The following BRDT variants were observed in gnomAD, a reference collection of about 807,000 sequenced individuals.
The protein encoded by BRDT is bromodomain testis associated.
A neutral mutation model predicts 113.9 loss-of-function variants in BRDT; 77 were observed. That is an observed-to-expected ratio of 0.68 (90% CI 0.56 to 0.82). The LOEUF (loss-of-function observed/expected upper bound fraction) is 0.82, where lower values mean the gene tolerates loss of function less well. BRDT is among the 40% of genes least tolerant of loss of function. The pLI is 0.00. For missense variants in BRDT, 1,027 were observed against 1,105.4 expected (o/e 0.93, Z 1.01); for synonymous variants, 358 against 366.5 (o/e 0.98, Z 0.26).
chr1:91,987,824 A>G (rs1685396252), intron 12 of BRDT, among the ~76,000 whole-genome samples: 1 of 151,984 alleles, frequency 6.6e-6, no homozygotes, highest in African/African-American at 2.4e-5. Flanking sequence ...CTATGATTGC[A>G]GATCTTTTTT....
In BRDT at chr1:91,977,280, A is replaced by C; in HGVS notation, c.856A>C (p.Lys286Gln). The change falls in exon 6 of 19, where the codon AAG becomes CAG. Residue 286 changes from lysine to glutamine, a missense_variant. Lys to Gln is a moderately conservative substitution (Grantham distance 53). Coordinates refer to ENST00000399546, the MANE Select transcript of BRDT (RefSeq NM_207189.4). Reference protein sequence around the residue: ...CSEILKEMLAKKHFSYAWPFY... With the variant: ...CSEILKEMLAQKHFSYAWPFY... ...TGAGATTCTTAAAGAAATGCTTGCAAAGAAACATTTTTCATATGCATGGCC... is the reference window on the plus strand; with the variant it reads ...TGAGATTCTTAAAGAAATGCTTGCACAGAAACATTTTTCATATGCATGGCC... 1 of 1,614,108 alleles carries C rather than the reference A, an allele frequency of 6.2e-7. No homozygotes were observed. Among genetic ancestry groups the C allele is most frequent in the Non-Finnish European group, 8.5e-7 (1 of 1,179,982 alleles).
At chr1:91,978,125 G>T in intron 6 of BRDT, 43 bp from the exon 7 acceptor site, 1 of 1,537,236 alleles carries the variant, frequency 6.5e-7, no homozygotes, top group South Asian at 1.1e-5. Flanking sequence ...AATAATTATT[G>T]AATTGAACTA....
chr1:91,986,209 C>T (rs1685224721), intron 12 of BRDT, among the ~76,000 whole-genome samples: 3 of 152,108 alleles, frequency 2.0e-5, no homozygotes, highest in African/African-American at 7.2e-5. Context: ...TGCTAGTATG[C>T]ACACATAAGC....
In BRDT at chr1:92,002,166, T is replaced by C. The variant is rs1310173845; in HGVS notation, c.2388+17T>C. 1.9e-6 allele frequency: 3 copies of C among 1,574,866 alleles called. No individual in the cohort carries two copies. The highest frequency in any genetic ancestry group is 1.7e-4 in the Middle Eastern group (1 of 5,990). Reference sequence around the variant, plus strand: ...GTACAGAAGGTAAAAGTAATTTTTTTTTTCTAACAAATCTTGAAGGGATTT... The same window carrying C: ...GTACAGAAGGTAAAAGTAATTTTTTCTTTCTAACAAATCTTGAAGGGATTT... On this transcript the variant is annotated intron_variant, in intron 16 of 18. Transcript: ENST00000399546.
chr1:91,976,966 T>A, intron 5 of BRDT, 77 bp from the exon 6 acceptor site: 1 of 1,179,970 alleles, frequency 8.5e-7, no homozygotes, highest in Non-Finnish European at 1.2e-6. Flanking sequence ...TTTCCCTTTT[T>A]TTCTTTTAAC....
At position 91,964,773 on chromosome 1, in the gene BRDT, G is replaced by C; in HGVS notation, c.330+9G>C. The C allele has an allele frequency of 7.0e-7, 1 of 1,427,144 alleles. No homozygotes were observed. The highest frequency in any genetic ancestry group is 9.4e-7 in the Non-Finnish European group (1 of 1,062,164). 88.4% of individuals were successfully genotyped at this position (1,427,144 alleles called of 1,614,324 possible). A position where few individuals can be genotyped will look rare whatever the true frequency, so the allele number is the denominator to read the frequency against. ...GTTATTTATATAACAAGGTATGTAA[G>C]CCTTATGTTATACTTGCTAATTCTT... On this transcript the variant is annotated intron_variant, in intron 3 of 18. Coordinates refer to ENST00000399546, the MANE Select transcript of BRDT (RefSeq NM_207189.4).
chr1:91,983,569 A>C (rs1024437885), intron 12 of BRDT, among the ~76,000 whole-genome samples: 2 of 152,146 alleles, frequency 1.3e-5, no homozygotes, highest in Non-Finnish European at 2.9e-5. Context: ...TTCAAATCTT[A>C]AAACATTGCT....
Position 91,981,341 on chromosome 1 carries a change from T to C in BRDT, c.1824T>C (p.Asp608=), listed in dbSNP as rs1030798458. Residue 608 remains aspartate, a synonymous_variant, in exon 11 of 19, where the codon GAT becomes GAC. Coordinates refer to ENST00000399546, the MANE Select transcript of BRDT (RefSeq NM_207189.4). ...KKQELEKRLL[D]VNNQLNSRKR... is the part of the protein sequence containing the mutation. ...AGGAATTGGAAAAGCGGTTACTGGA[T>C]GTTAATAATCAGTTAAATTCTAGAA... The C allele has an allele frequency of 2.5e-6, 4 of 1,613,948 alleles. No individual in the cohort carries two copies. The highest frequency in any genetic ancestry group is 4.5e-5 in the East Asian group (2 of 44,902).
chr1:91,958,829 C>A (rs555751383), intron 1 of BRDT, among the ~76,000 whole-genome samples: 1 of 152,118 alleles, frequency 6.6e-6, no homozygotes, highest in South Asian at 2.1e-4. Flanking sequence ...CCAAGGAGGG[C>A]AGATTGCTTG....
intron 1 of BRDT, among the ~76,000 whole-genome samples, chr1:91,952,869 A>G (rs1317002742): frequency 6.6e-6 from 1 of 151,946 alleles, no homozygotes; most frequent in African/African-American, 2.4e-5. Context: ...AGTTCTAGAT[A>G]GAAAAAGTGC....
intron 12 of BRDT, among the ~76,000 whole-genome samples, chr1:91,989,049 C>T (rs574140489): frequency 1.3e-5 from 2 of 151,228 alleles, no homozygotes; most frequent in African/African-American, 4.9e-5. Flanking sequence ...CCACCTGCCT[C>T]GGCCTCCCAA....
chr1:91,956,451 T>C (rs1318516219), intron 1 of BRDT, among the ~76,000 whole-genome samples: 2 of 152,204 alleles, frequency 1.3e-5, no homozygotes. Context: ...TCTGCCATGA[T>C]GGCAGTGTTC....
At chr1:92,000,983 C>T (rs1358820294) in intron 15 of BRDT, among the ~76,000 whole-genome samples, 1 of 152,144 alleles carries the variant, frequency 6.6e-6, no homozygotes, top group Non-Finnish European at 1.5e-5. Flanking sequence ...AGTTTGTTCT[C>T]CTCACCTCAG....
intron 7 of BRDT, 49 bp from the exon 8 acceptor site, chr1:91,979,520 A>G: frequency 6.5e-7 from 1 of 1,536,414 alleles, no homozygotes; most frequent in Non-Finnish European, 8.9e-7. Context: ...TGATTGCTGG[A>G]TTAAATAAAA....
At chr1:91,958,098 C>T (rs1681995912) in intron 1 of BRDT, among the ~76,000 whole-genome samples, 1 of 152,176 alleles carries the variant, frequency 6.6e-6, no homozygotes, top group Non-Finnish European at 1.5e-5. Context: ...CTGCCTCGGC[C>T]TTCCAAAGCG....
chr1:91,951,988 A>G (rs1023805294), intron 1 of BRDT, among the ~76,000 whole-genome samples: 3 of 152,254 alleles, frequency 2.0e-5, no homozygotes, highest in Admixed American at 2.0e-4. Context: ...GTTTGAGACC[A>G]GCCTGGGCAA....
Position 91,994,091 on chromosome 1 carries a change from T to A in BRDT, c.2124T>A (p.Tyr708Ter), listed in dbSNP as rs745330277. 2.5e-6 allele frequency: 4 copies of A among 1,603,774 alleles called. No individual in the cohort carries two copies. The South Asian group carries it at 4.5e-5, about 18-fold the overall frequency. Reference protein sequence around the residue: ...EGRTGVTQIGYCVQDTTSANT... With the variant: ...EGRTGVTQIG ...TGATTTTGTTTTAACAGATAGGATA[T>A]TGTGTGCAAGACACAACCTCTGCCA... Residue 708 changes from tyrosine (Y) to a stop codon, truncating the protein, a stop_gained, in exon 15 of 19, where the codon TAT (tyrosine) becomes TAA (stop). Coordinates refer to ENST00000399546, the MANE Select transcript of BRDT (RefSeq NM_207189.4). LOFTEE classifies it high-confidence loss of function.
intron 1 of BRDT, chr1:91,957,692 T>G (rs1330577545): frequency 3.3e-5 from 5 of 152,132 alleles, no homozygotes; most frequent in African/African-American, 1.2e-4. Flanking sequence ...TTCCATGAGT[T>G]TTGACAAATG....
At chr1:91,971,587 A>G (rs1683631077) in intron 4 of BRDT, among the ~76,000 whole-genome samples, 1 of 152,234 alleles carries the variant, frequency 6.6e-6, no homozygotes, top group African/African-American at 2.4e-5. Flanking sequence ...TTGAGCAAAT[A>G]CTTGAGTGCT....
Sources: allele counts gnomAD v4.1 joint callset (sites outside exome capture counted in the v4.1 genomes callset), GRCh38; gene constraint gnomAD v4.1.1; transcripts MANE v1.5; gene names NCBI Gene and HGNC (gene_info 2026-07-23, HGNC 2026-07-21).